Variants in SPTBN1 observed in about 807,000 individuals in gnomAD.
SPTBN1 encodes the protein spectrin beta chain, non-erythrocytic 1.
Under a neutral mutation model 266.4 loss-of-function variants are expected in SPTBN1, and 32 were observed. The ratio of observed to expected loss-of-function variants is 0.12; its 90% confidence interval spans 0.09 to 0.16. The LOEUF is 0.16. SPTBN1 is among the 10% of genes least tolerant of loss of function. The pLI is 1.00. For missense variants in SPTBN1, 2,296 were observed against 3,067.1 expected (o/e 0.75, Z 5.94); for synonymous variants, 1,336 against 1,162.2 (o/e 1.15, Z -3.04).
intron 19 of SPTBN1, among the ~76,000 whole-genome samples, chr2:54,643,771 G>A (rs2048371): frequency 6.6e-6 from 1 of 151,850 alleles, no homozygotes; most frequent in Non-Finnish European, 1.5e-5. Context: ...ATCACTGGAG[G>A]CCAGGAGTTT....
intron 16 of SPTBN1, 35 bp from the exon 17 acceptor site, chr2:54,632,531 T>G: frequency 1.6e-5 from 26 of 1,600,684 alleles, no homozygotes; most frequent in Non-Finnish European, 2.2e-5. Context: ...GATCCTTCAT[T>G]GATCTGCTAT....
chr2:54,628,715 G>T lies in SPTBN1; in HGVS notation c.1799-218G>T, dbSNP rs1031139225. ...CAGGAGGATGATCACTTTGTCTGCG[G>T]TTTGGCCAAAAAAAAATAATGTTTA... On this transcript the variant is annotated intron_variant, in intron 13 of 35. Coordinates refer to ENST00000356805, the MANE Select transcript of SPTBN1 (RefSeq NM_003128.3). The surrounding 1 kb of genome is among the most constrained non-coding windows in gnomAD (Gnocchi z 4.3). Among the ~76,000 whole-genome samples, 13 of 152,180 alleles carry T rather than the reference G, an allele frequency of 8.5e-5. No homozygotes were observed. The highest frequency in any genetic ancestry group is 3.4e-3 in the Middle Eastern group (1 of 294).
chr2:54,601,651 C>G (rs1174304391), intron 3 of SPTBN1, among the ~76,000 whole-genome samples: 1 of 152,198 alleles, frequency 6.6e-6, no homozygotes, highest in South Asian at 2.1e-4. Context: ...TGTTTGCACT[C>G]TATCTGGAGC....
intron 2 of SPTBN1, among the ~76,000 whole-genome samples, chr2:54,586,942 T>A (rs1675334545): frequency 6.6e-6 from 1 of 152,192 alleles, no homozygotes; most frequent in Admixed American, 6.5e-5. Context: ...GAAAGAGTTC[T>A]ATTTTTCCCT....
intron 1 of SPTBN1, among the ~76,000 whole-genome samples, chr2:54,507,783 T>C (rs1170482322): frequency 1.4e-5 from 2 of 146,104 alleles, no homozygotes; most frequent in African/African-American, 2.6e-5. Flanking sequence ...GCACTCTTCA[T>C]TTAAAAATAT....
Position 54,551,488 on chromosome 2 carries a change from G to T in SPTBN1, c.148+24922G>T, listed in dbSNP as rs1350118706. Among the ~76,000 whole-genome samples, 5 of 152,254 alleles carry T rather than the reference G, an allele frequency of 3.3e-5. 1 individual carries two copies. Among genetic ancestry groups the T allele is most frequent in the African/African-American group, 1.2e-4 (5 of 41,534 alleles). The stretch of plus-strand genomic sequence containing the variant: ...AGATAACAGACACGGTAAGAATGCA[G>T]GGATAAGGTTTGGCTGGGGTAGAAG... On this transcript the variant is annotated intron_variant, in intron 2 of 35. Coordinates refer to ENST00000356805, the MANE Select transcript of SPTBN1 (RefSeq NM_003128.3).
intron 2 of SPTBN1, among the ~76,000 whole-genome samples, chr2:54,563,685 C>A (rs1673480879): frequency 6.9e-6 from 1 of 144,456 alleles, no homozygotes; most frequent in South Asian, 2.2e-4. Flanking sequence ...CTCACTGCAA[C>A]CTCTGCCTTC....
intron 3 of SPTBN1, among the ~76,000 whole-genome samples, chr2:54,611,917 T>C (rs1677242253): frequency 6.6e-6 from 1 of 152,224 alleles, no homozygotes; most frequent in Non-Finnish European, 1.5e-5. Context: ...TGCTCATTTG[T>C]AAACTATATA....
At chr2:54,479,978 A>G (rs1009396075) in intron 1 of SPTBN1, among the ~76,000 whole-genome samples, 1 of 152,036 alleles carries the variant, frequency 6.6e-6, no homozygotes, top group Non-Finnish European at 1.5e-5. Context: ...TTTTAATAAC[A>G]TTAATATTTA....
chr2:54,657,760 C>G (rs1313553275), intron 29 of SPTBN1, 90 bp from the exon 30 acceptor site: 1 of 1,474,454 alleles, frequency 6.8e-7, no homozygotes, highest in Non-Finnish European at 9.4e-7. Flanking sequence ...AGGTAGCCAT[C>G]ACCAGAGGGC....
At chr2:54,457,819 A>T (rs1199760832) in intron 1 of SPTBN1, among the ~76,000 whole-genome samples, 1 of 151,980 alleles carries the variant, frequency 6.6e-6, no homozygotes, top group East Asian at 1.9e-4. Flanking sequence ...AGCAGGGGAG[A>T]GTCTTTTCTT....
At chr2:54,516,433 T>C (rs576880200) in intron 1 of SPTBN1, 1 of 152,318 alleles carries the variant, frequency 6.6e-6, no homozygotes, top group Admixed American at 6.5e-5. Context: ...GTTCTTATGG[T>C]ACAAGATTCA....
chr2:54,624,682 G>A, intron 10 of SPTBN1, 122 bp from the exon 11 acceptor site: 1 of 1,420,264 alleles, frequency 7.0e-7, no homozygotes, highest in Non-Finnish European at 9.5e-7. Context: ...GTGGGAATGG[G>A]ATTTCCCATT....
intron 10 of SPTBN1, among the ~76,000 whole-genome samples, chr2:54,624,274 C>T (rs940299110): frequency 1.3e-5 from 2 of 152,076 alleles, no homozygotes; most frequent in African/African-American, 4.8e-5. Context: ...TGCGTCTGGC[C>T]CCACTTAGAT....
intron 1 of SPTBN1, among the ~76,000 whole-genome samples, chr2:54,460,269 C>G (rs575957069): frequency 6.6e-6 from 1 of 152,268 alleles, no homozygotes; most frequent in Admixed American, 6.5e-5. Context: ...TTGAATTTTC[C>G]TTTCTTTTGC....
At chr2:54,564,401 T>G (rs1272594811) in intron 2 of SPTBN1, among the ~76,000 whole-genome samples, 1 of 152,204 alleles carries the variant, frequency 6.6e-6, no homozygotes. Context: ...CTGCACAGCC[T>G]CACTGCTGCT....
Position 54,558,155 on chromosome 2 carries a change from G to C in SPTBN1, c.148+31589G>C. 1 of 985,374 alleles carries C rather than the reference G, an allele frequency of 1.0e-6. No homozygotes were observed. The allele number at this position is 985,374 out of a possible 1,614,324, so 61.0% of individuals were successfully genotyped here. A position where few individuals can be genotyped will look rare whatever the true frequency, so the allele number is the denominator to read the frequency against. ...GCTCTGTTTGGGAAGGCACTACCGC[G>C]GCGAGTCCAGGGCCCGGCCGGGGGT... On this transcript the variant is annotated intron_variant, in intron 2 of 35. Coordinates refer to ENST00000356805, the MANE Select transcript of SPTBN1 (RefSeq NM_003128.3). This position sits in a 1 kb window ranked among gnomAD's most constrained non-coding sequence, Gnocchi z 4.6.
At chr2:54,550,874 G>T (rs1184724644) in intron 2 of SPTBN1, among the ~76,000 whole-genome samples, 1 of 152,200 alleles carries the variant, frequency 6.6e-6, no homozygotes, top group Non-Finnish European at 1.5e-5. Context: ...GGATGGGGCT[G>T]AGAACGTGTC....
chr2:54,479,203 T>C (rs1405937518), intron 1 of SPTBN1, among the ~76,000 whole-genome samples: 1 of 152,204 alleles, frequency 6.6e-6, no homozygotes, highest in Admixed American at 6.5e-5. Flanking sequence ...TGCAGATGAC[T>C]TGTGTTGTGT....
Sources: allele counts gnomAD v4.1 joint callset (sites outside exome capture counted in the v4.1 genomes callset), GRCh38; gene constraint gnomAD v4.1.1; non-coding constraint Gnocchi (gnomAD v3.1); transcripts MANE v1.5; gene names NCBI Gene and HGNC (gene_info 2026-07-23, HGNC 2026-07-21).